The following ACBD6 variants were observed in gnomAD, a reference collection of about 807,000 sequenced individuals.
The protein encoded by ACBD6 is acyl-CoA binding domain containing 6.
A neutral mutation model predicts 37.2 loss-of-function variants in ACBD6; 28 were observed. That is an observed-to-expected ratio of 0.75 (90% CI 0.56 to 1.03). The LOEUF is 1.03. ACBD6 is among the 50% of genes least tolerant of loss of function. The pLI is 0.00. For synonymous variants in ACBD6, 113 were observed against 126.8 expected (o/e 0.89, Z 0.73); for missense variants, 340 against 337.4 (o/e 1.01, Z -0.06).
chr1:180,483,932 C>T (rs1651156385), intron 3 of ACBD6, among the ~76,000 whole-genome samples: 1 of 152,036 alleles, frequency 6.6e-6, no homozygotes, highest in South Asian at 2.1e-4. Flanking sequence ...AGATACTACC[C>T]GGGAATTATG....
intron 5 of ACBD6, among the ~76,000 whole-genome samples, chr1:180,410,430 C>T (rs1197548333): frequency 1.3e-5 from 2 of 152,206 alleles, no homozygotes; most frequent in East Asian, 3.8e-4. Context: ...GGCCTCAAAG[C>T]TTCAAAAGAT....
intron 3 of ACBD6, among the ~76,000 whole-genome samples, chr1:180,459,850 T>C (rs1420320671): frequency 1.3e-5 from 2 of 151,870 alleles, no homozygotes; most frequent in Non-Finnish European, 2.9e-5. Flanking sequence ...CAAAAAAACA[T>C]TTAAAACTGG....
chr1:180,482,547 A>G (rs1390824885), intron 3 of ACBD6, among the ~76,000 whole-genome samples: 1 of 152,166 alleles, frequency 6.6e-6, no homozygotes, highest in East Asian at 1.9e-4. Flanking sequence ...GGTATTAACA[A>G]TATCACTGAA....
chr1:180,381,584 A>G (rs1653651885), intron 6 of ACBD6, among the ~76,000 whole-genome samples: 1 of 152,204 alleles, frequency 6.6e-6, no homozygotes, highest in Non-Finnish European at 1.5e-5. Context: ...CTGTATAAAT[A>G]CATGGAAATT....
At chr1:180,431,690 T>C (rs563038446) in intron 3 of ACBD6, among the ~76,000 whole-genome samples, 30 of 152,196 alleles carry the variant, frequency 2.0e-4, no homozygotes, top group Non-Finnish European at 3.5e-4. Flanking sequence ...GTTCCATTGA[T>C]AGGATAAAAC....
intron 3 of ACBD6, among the ~76,000 whole-genome samples, chr1:180,432,141 A>C (rs1648837078): frequency 6.6e-6 from 1 of 152,000 alleles, no homozygotes; most frequent in Non-Finnish European, 1.5e-5. Context: ...TGGGATGCAG[A>C]AGCTGCAGTG....
chr1:180,402,262 G>A (rs1053527670), intron 5 of ACBD6, among the ~76,000 whole-genome samples: 20 of 152,110 alleles, frequency 1.3e-4, no homozygotes, highest in Non-Finnish European at 2.8e-4. Context: ...ATAGTGAAAT[G>A]ACAATGTTAT....
At chr1:180,391,990 C>A (rs1177112196) in intron 6 of ACBD6, among the ~76,000 whole-genome samples, 5 of 152,092 alleles carry the variant, frequency 3.3e-5, no homozygotes, top group Admixed American at 3.3e-4. Flanking sequence ...ACAATTGATA[C>A]ATGTAACATG....
intron 7 of ACBD6, among the ~76,000 whole-genome samples, chr1:180,311,101 A>G (rs2149289312): frequency 6.6e-6 from 1 of 152,328 alleles, no homozygotes. Flanking sequence ...ACCATCCAGA[A>G]TAATAAACAT....
intron 6 of ACBD6, among the ~76,000 whole-genome samples, chr1:180,393,826 T>C (rs1654161641): frequency 6.6e-6 from 1 of 152,232 alleles, no homozygotes; most frequent in Admixed American, 6.5e-5. Flanking sequence ...ACAATGGTCA[T>C]GTGAATACAA....
At chr1:180,270,443 A>AT (rs1648576928) in exon 14 of ACBD6, 1 of 152,240 alleles carries the variant, frequency 6.6e-6, no homozygotes, top group African/African-American at 2.4e-5. Flanking sequence ...AAAGGGCAGT[A>AT]TGCCTAAGTG....
downstream of ACBD6, among the ~76,000 whole-genome samples, chr1:180,284,708 G>A (rs1382829503): frequency 6.6e-6 from 1 of 152,066 alleles, no homozygotes; most frequent in East Asian, 1.9e-4. Context: ...AAAGCTCAAT[G>A]TGTATATATA....
At chr1:180,276,846 ATCC>A (rs1438733953) in intron 9 of ACBD6, 1 of 147,406 alleles carries the variant, frequency 6.8e-6, no homozygotes, top group African/African-American at 2.5e-5. Context: ...GGGGGGGGGC[ATCC>A]TCCTCTGTGT....
At chr1:180,484,968 G>A (rs1273032986) in intron 3 of ACBD6, among the ~76,000 whole-genome samples, 1 of 150,848 alleles carries the variant, frequency 6.6e-6, no homozygotes, top group African/African-American at 2.4e-5. Context: ...CTACTCAGGA[G>A]GCTGAGGCAG....
At chr1:180,287,798 A>G (rs541585434), downstream of ACBD6, among the ~76,000 whole-genome samples, 28 of 152,218 alleles carry the variant, frequency 1.8e-4, no homozygotes, top group South Asian at 8.3e-4. Context: ...GATTTTCAGT[A>G]AATCTAGTTG....
At chr1:180,304,080 T>C (rs1254290634) in intron 7 of ACBD6, among the ~76,000 whole-genome samples, 8 of 150,924 alleles carry the variant, frequency 5.3e-5, no homozygotes, top group African/African-American at 1.7e-4. Flanking sequence ...AAACTCTCAA[T>C]AAATTAGGTA....
chr1:180,298,219 G>C (rs899853131), intron 7 of ACBD6, among the ~76,000 whole-genome samples: 10 of 152,170 alleles, frequency 6.6e-5, no homozygotes, highest in South Asian at 2.1e-4. Context: ...ATCCTGCATA[G>C]AACTAGCTAC....
At chr1:180,348,334 T>G (rs1409757468) in intron 6 of ACBD6, among the ~76,000 whole-genome samples, 1 of 152,170 alleles carries the variant, frequency 6.6e-6, no homozygotes, top group East Asian at 1.9e-4. Context: ...AGCTCTGGAC[T>G]GTGAGTTTCA....
chr1:180,364,428 G>T (rs937327159), intron 6 of ACBD6, among the ~76,000 whole-genome samples: 3 of 152,218 alleles, frequency 2.0e-5, no homozygotes, highest in African/African-American at 7.2e-5. Context: ...GAAGACTTAG[G>T]AAGAAAATGT....
Sources: allele counts gnomAD v4.1 joint callset (sites outside exome capture counted in the v4.1 genomes callset), GRCh38; gene constraint gnomAD v4.1.1; transcripts MANE v1.5; gene names NCBI Gene and HGNC (gene_info 2026-07-23, HGNC 2026-07-21).